Variants in SEH1L observed in about 807,000 individuals in gnomAD.
SEH1L encodes the protein nucleoporin SEH1.
A neutral mutation model predicts 49.5 loss-of-function variants in SEH1L; 18 were observed. That is an observed-to-expected ratio of 0.36 (90% CI 0.25 to 0.54). The LOEUF (loss-of-function observed/expected upper bound fraction) is 0.54. Among genes scored for constraint, SEH1L ranks in the 20% least tolerant of loss-of-function variants. SEH1L has a pLI of 0.87. For missense variants in SEH1L, 404 were observed against 528.8 expected, an observed-to-expected ratio of 0.76 and a Z score of 2.31; for synonymous variants, 169 against 178.1, an observed-to-expected ratio of 0.95 and a Z score of 0.41.
chr18:12,951,967 A>G (rs569357670), intron 2 of SEH1L, 62 bp downstream of exon 2: 2 of 923,846 alleles, frequency 2.2e-6, no homozygotes, highest in African/African-American at 3.5e-5. Context: ...TTTTATAGTT[A>G]TCTATGAATT....
chr18:12,948,399 T>C (rs545949202), intron 1 of SEH1L, 167 bp downstream of exon 1: 3 of 526,104 alleles, frequency 5.7e-6, no homozygotes, highest in East Asian at 3.5e-5. Flanking sequence ...GCCCGCGTAT[T>C]GTGGGGTCAC....
intron 1 of SEH1L, among the ~76,000 whole-genome samples, chr18:12,949,252 C>T (rs569204395): frequency 2.0e-5 from 3 of 151,898 alleles, no homozygotes; most frequent in East Asian, 1.9e-4. Context: ...AGCTGGAGTG[C>T]GGATTATTTG....
At chr18:12,980,815 C>T (rs1341269679) in intron 6 of SEH1L, among the ~76,000 whole-genome samples, 6 of 110,736 alleles carry the variant, frequency 5.4e-5, no homozygotes, top group South Asian at 3.6e-4. Flanking sequence ...GCTGGCCGGG[C>T]GGGGGGCTGA....
intron 5 of SEH1L, 30 bp downstream of exon 5, chr18:12,971,281 T>C: frequency 1.5e-6 from 2 of 1,326,254 alleles, no homozygotes; most frequent in Non-Finnish European, 2.2e-6. Context: ...TAATAATTGT[T>C]CAGAATTGCA....
At chr18:12,950,585 ATTAGT>A (rs2030461685) in intron 1 of SEH1L, among the ~76,000 whole-genome samples, 1 of 152,130 alleles carries the variant, frequency 6.6e-6, no homozygotes, top group African/African-American at 2.4e-5. Context: ...GAAATTTTTC[ATTAGT>A]TTAGCATTTT....
chr18:12,963,443 A>G, intron 4 of SEH1L, 72 bp downstream of exon 4: 1 of 1,207,852 alleles, frequency 8.3e-7, no homozygotes. Flanking sequence ...TAACAATTTG[A>G]TAATTTATTC....
intron 2 of SEH1L, among the ~76,000 whole-genome samples, chr18:12,952,408 T>C (rs2030596759): frequency 6.6e-6 from 1 of 151,796 alleles, no homozygotes; most frequent in Admixed American, 6.6e-5. Flanking sequence ...AATTTTTGTG[T>C]TTTTAGCAGA....
intron 3 of SEH1L, among the ~76,000 whole-genome samples, chr18:12,956,885 G>A (rs553386953): frequency 3.3e-5 from 5 of 152,212 alleles, no homozygotes; most frequent in African/African-American, 1.2e-4. Context: ...GGCTAACATG[G>A]TGAAACCCTG....
chr18:12,960,496 T>A (rs2031120008), intron 3 of SEH1L, among the ~76,000 whole-genome samples: 2 of 152,258 alleles, frequency 1.3e-5, no homozygotes, highest in African/African-American at 2.4e-5. Context: ...CTTGTCCTAA[T>A]AGCACACTGT....
intron 5 of SEH1L, chr18:12,975,882 C>G (rs778025117): frequency 2.0e-6 from 2 of 985,526 alleles, no homozygotes; most frequent in East Asian, 2.3e-4. Flanking sequence ...CTGTAGGTCA[C>G]GTGAGTCTTG....
chr18:12,954,127 ATGTAGAAGTTATTGG>A (rs1207265571), intron 2 of SEH1L, among the ~76,000 whole-genome samples: 1 of 152,266 alleles, frequency 6.6e-6, no homozygotes, highest in Non-Finnish European at 1.5e-5. Context: ...CATTGTTACC[ATGTAGAAGTTATTGG>A]TTAAACTATT....
chr18:12,976,342 T>C (rs1043270084), intron 5 of SEH1L: 1 of 152,312 alleles, frequency 6.6e-6, no homozygotes, highest in African/African-American at 2.4e-5. Flanking sequence ...CCTTGCCATG[T>C]TCCGTCCCCT....
At chr18:12,960,082 C>T (rs775059202) in intron 3 of SEH1L, among the ~76,000 whole-genome samples, 1 of 152,130 alleles carries the variant, frequency 6.6e-6, no homozygotes, top group African/African-American at 2.4e-5. Flanking sequence ...TCTCAGGTAA[C>T]GCCTTGAGCA....
intron 1 of SEH1L, among the ~76,000 whole-genome samples, chr18:12,949,442 GTTTTTTTTTTTTTTTTTT>G (rs71174155): frequency 1.9e-5 from 1 of 51,798 alleles, no homozygotes; most frequent in Non-Finnish European, 3.5e-5. Flanking sequence ...TACGTTAACC[GTTTTTTTTTTTTTTTTTT>G]TTTTTTTTTT....
At chr18:12,972,665 A>G (rs946856910) in intron 5 of SEH1L, 1 of 152,248 alleles carries the variant, frequency 6.6e-6, no homozygotes, top group Non-Finnish European at 1.5e-5. Flanking sequence ...GGGATCTTAC[A>G]CCTTCTACCT....
At chr18:12,954,995 T>C (rs2030766220) in intron 2 of SEH1L, among the ~76,000 whole-genome samples, 1 of 152,236 alleles carries the variant, frequency 6.6e-6, no homozygotes, top group African/African-American at 2.4e-5. Flanking sequence ...ACCACTAATC[T>C]ACTTTCTGTC....
chr18:12,958,598 C>T (rs1598948375), intron 3 of SEH1L, among the ~76,000 whole-genome samples: 2 of 152,264 alleles, frequency 1.3e-5, no homozygotes, highest in South Asian at 2.1e-4. Context: ...AGTGGAATCA[C>T]AGTATTTGTC....
At chr18:12,978,184 T>C (rs6505775) in intron 5 of SEH1L, 107,868 of 152,242 alleles carry the variant, frequency 0.71, 39,432 homozygotes, top group African/African-American at 0.89. Context: ...TGTACATTAT[T>C]AAAGGAGGAA....
At chr18:12,950,716 G>A (rs912952929) in intron 1 of SEH1L, among the ~76,000 whole-genome samples, 9 of 152,276 alleles carry the variant, frequency 5.9e-5, no homozygotes, top group Non-Finnish European at 8.8e-5. Context: ...GTTTTATACC[G>A]CCAGTGATAG....
Sources: gnomAD v4.1 joint callset for allele counts (sites outside exome capture counted in the v4.1 genomes callset) on GRCh38, gnomAD v4.1.1 for gene constraint, MANE v1.5 for transcripts, NCBI Gene and HGNC (gene_info 2026-07-23, HGNC 2026-07-21) for gene names.